Variants in PHKB observed in about 807,000 individuals in gnomAD.
PHKB encodes phosphorylase kinase regulatory subunit beta, also known as phosphorylase b kinase regulatory subunit beta.
PHKB carries 122 observed loss-of-function variants against 152.1 expected under a neutral mutation model. The observed-to-expected ratio is 0.80, with a 90% CI of 0.69 to 0.93. The LOEUF (loss-of-function observed/expected upper bound fraction) is 0.93, where lower values mean the gene tolerates loss of function less well. PHKB is among the 40% of genes least tolerant of loss of function. The pLI is 0.00. For missense variants in PHKB, 1,304 were observed against 1,328.4 expected (o/e 0.98, Z 0.29); for synonymous variants, 436 against 464.9 (o/e 0.94, Z 0.80).
chr16:47,643,003 T>A (rs1973053026), intron 16 of PHKB, among the ~76,000 whole-genome samples: 1 of 152,158 alleles, frequency 6.6e-6, no homozygotes, highest in Non-Finnish European at 1.5e-5. Context: ...ACTTTTATGC[T>A]CTCCTGCTGA....
In PHKB at chr16:47,701,270, T is replaced by A. The variant is rs939354595; in HGVS notation, c.*1904T>A. On this transcript the variant is annotated 3_prime_UTR_variant, in exon 31 of 31. Transcript: ENST00000323584. Reference sequence around the variant, plus strand: ...TGTGTTGTAGTTTTAAGAATTTTTTTAAAAAATCTGATTAGCTGAGCAAAG... The same window carrying A: ...TGTGTTGTAGTTTTAAGAATTTTTTAAAAAAATCTGATTAGCTGAGCAAAG... 7.9e-5 allele frequency: 12 copies of A among 152,192 alleles called. No individual in the cohort carries two copies. Among genetic ancestry groups the A allele is most frequent in the South Asian group, 4.1e-4 (2 of 4,832 alleles). The allele number at this position is 152,192 out of a possible 1,614,324, so 9.4% of individuals were successfully genotyped here. A position where few individuals can be genotyped will look rare whatever the true frequency, so the allele number is the denominator to read the frequency against.
intron 13 of PHKB, among the ~76,000 whole-genome samples, chr16:47,601,471 C>T (rs146868455): frequency 0.02 from 3,073 of 151,948 alleles, 103 homozygotes; most frequent in African/African-American, 0.07. Context: ...TTTGGAAGGC[C>T]GAGGCAGGCG....
At chr16:47,688,079 T>C (rs1421446839) in intron 26 of PHKB, among the ~76,000 whole-genome samples, 4 of 152,166 alleles carry the variant, frequency 2.6e-5, no homozygotes, top group Non-Finnish European at 5.9e-5. Context: ...CAAGGAAGTG[T>C]ATGAAGAGAA....
chr16:47,505,662 G>GT (rs2151646161), intron 4 of PHKB: 2 of 152,310 alleles, frequency 1.3e-5, no homozygotes, highest in East Asian at 3.9e-4. Context: ...ATGCACACAA[G>GT]TAACTTTGCA....
chr16:47,543,652 C>T (rs901884230), intron 6 of PHKB, among the ~76,000 whole-genome samples: 1 of 152,164 alleles, frequency 6.6e-6, no homozygotes, highest in African/African-American at 2.4e-5. Context: ...GGTTGGTAGG[C>T]TATTAATTAT....
chr16:47,503,924 C>G (rs1158676630), intron 4 of PHKB, among the ~76,000 whole-genome samples: 2 of 152,312 alleles, frequency 1.3e-5, no homozygotes, highest in African/African-American at 2.4e-5. Flanking sequence ...CTATAAAGCT[C>G]TATACAAATA....
intron 20 of PHKB, among the ~76,000 whole-genome samples, chr16:47,658,731 A>G (rs141678572): frequency 6.6e-6 from 1 of 151,716 alleles, no homozygotes; most frequent in Non-Finnish European, 1.5e-5. Context: ...AGTACACTCT[A>G]TGGGTGTTCA....
chr16:47,649,635 G>A (rs1973199194), intron 18 of PHKB, among the ~76,000 whole-genome samples: 1 of 152,124 alleles, frequency 6.6e-6, no homozygotes, highest in Non-Finnish European at 1.5e-5. Flanking sequence ...AGCAGAGAAG[G>A]TTAGAATCAT....
Position 47,465,847 on chromosome 16 carries a change from T to C in PHKB, c.76+4421T>C, listed in dbSNP as rs146332389. ...TCTTTGGACATTATCTTTATAGGCA[T>C]ATGTTTTATTGTGCGATTTCATTTG... On this transcript the variant is annotated intron_variant, in intron 1 of 30. Transcript: ENST00000323584. Among the ~76,000 whole-genome samples, 293 of 152,326 alleles carry C rather than the reference T, an allele frequency of 1.9e-3. No homozygotes were observed. The East Asian group carries it at 0.031, about 16-fold the overall frequency.
chr16:47,488,951 A>T (rs531133152), intron 1 of PHKB, among the ~76,000 whole-genome samples: 5 of 152,270 alleles, frequency 3.3e-5, no homozygotes, highest in African/African-American at 1.2e-4. Context: ...CATATGAATT[A>T]AAAAAATTTT....
At chr16:47,623,923 C>G (rs571260649) in intron 14 of PHKB, among the ~76,000 whole-genome samples, 10 of 152,214 alleles carry the variant, frequency 6.6e-5, no homozygotes, top group African/African-American at 2.4e-4. Context: ...TTACATTATT[C>G]TGTTGTGTCC....
chr16:47,471,263 A>G (rs1394218328), intron 1 of PHKB, among the ~76,000 whole-genome samples: 1 of 152,166 alleles, frequency 6.6e-6, no homozygotes. Flanking sequence ...AAAGGCCATT[A>G]TGGGTAAAGC....
intron 8 of PHKB, among the ~76,000 whole-genome samples, chr16:47,586,029 G>A (rs994616970): frequency 6.6e-6 from 1 of 152,076 alleles, no homozygotes; most frequent in Non-Finnish European, 1.5e-5. Flanking sequence ...TTTCTCTGCT[G>A]TTTTGTTCTA....
chr16:47,630,327 C>T (rs1972803881), intron 14 of PHKB, among the ~76,000 whole-genome samples: 2 of 151,856 alleles, frequency 1.3e-5, no homozygotes, highest in Non-Finnish European at 2.9e-5. Context: ...ACTAAAAATA[C>T]AAAAATTAGC....
chr16:47,544,432 A>T lies in PHKB; in HGVS notation c.595-3001A>T, dbSNP rs567851139. 1.6e-4 allele frequency among the ~76,000 whole-genome samples: 25 copies of T among 152,274 alleles called. No individual in the cohort carries two copies. In the South Asian group the frequency reaches 4.8e-3, roughly 29 times the overall value. ...TTTGTTGATCCTGAGTCATAAGTTG[A>T]TCACACTGTGGTCTCAGAGACAGTT... On this transcript the variant is annotated intron_variant, in intron 6 of 30. Transcript: ENST00000323584.
intron 1 of PHKB, among the ~76,000 whole-genome samples, chr16:47,473,255 T>C (rs1969810694): frequency 7.2e-6 from 1 of 139,464 alleles, no homozygotes; most frequent in South Asian, 2.3e-4. Flanking sequence ...TTTTTTTTAT[T>C]GTAGAGACAA....
At chr16:47,625,604 C>CT (rs1972695808) in intron 14 of PHKB, among the ~76,000 whole-genome samples, 1 of 152,146 alleles carries the variant, frequency 6.6e-6, no homozygotes, top group African/African-American at 2.4e-5. Context: ...CTTTTAGTCT[C>CT]TAAGTCTCAG....
At chr16:47,495,277 A>G (rs941251380) in intron 1 of PHKB, among the ~76,000 whole-genome samples, 1 of 151,432 alleles carries the variant, frequency 6.6e-6, no homozygotes, top group Non-Finnish European at 1.5e-5. Context: ...AAAAATAAAT[A>G]TTTTTAAATC....
intron 26 of PHKB, among the ~76,000 whole-genome samples, chr16:47,681,075 C>T (rs371730058): frequency 6.6e-5 from 10 of 152,108 alleles, no homozygotes; most frequent in East Asian, 5.8e-4. Context: ...TGTAGTTGAG[C>T]GGGTTTGAGT....
Sources: gnomAD v4.1 joint callset for allele counts (sites outside exome capture counted in the v4.1 genomes callset) on GRCh38, gnomAD v4.1.1 for gene constraint, MANE v1.5 for transcripts, NCBI Gene and HGNC (gene_info 2026-07-23, HGNC 2026-07-21) for gene names.